The following RALB variants were observed in gnomAD, a reference collection of about 807,000 sequenced individuals.
RALB encodes the protein ras-related protein Ral-B.
In RALB, 16 loss-of-function variants were observed where a neutral mutation model predicts 21.3. The ratio of observed to expected loss-of-function variants is 0.75; its 90% CI spans 0.51 to 1.14. The LOEUF (loss-of-function observed/expected upper bound fraction) is 1.14, where lower values mean the gene tolerates loss of function less well. RALB is among the 50% of genes most tolerant of loss of function. The probability of loss-of-function intolerance (pLI) is 0.00; values close to 1 mark genes in which losing one functional copy is unlikely to be tolerated. For synonymous variants in RALB, 93 were observed against 96.1 expected, an observed-to-expected ratio of 0.97 and a Z score of 0.19; for missense variants, 161 against 256.2, an observed-to-expected ratio of 0.63 and a Z score of 2.54.
chr2:120,254,790 A>C (rs909841164), intron 1 of RALB, among the ~76,000 whole-genome samples: 2 of 152,010 alleles, frequency 1.3e-5, no homozygotes, highest in African/African-American at 4.8e-5. Flanking sequence ...TGAGTCTCCC[A>C]CCTCAGCCTC....
intron 1 of RALB, among the ~76,000 whole-genome samples, chr2:120,264,762 C>T (rs1689459560): frequency 6.6e-6 from 1 of 152,194 alleles, no homozygotes; most frequent in African/African-American, 2.4e-5. Context: ...TCCCCACTCC[C>T]CTCTTCCCCC....
At chr2:120,256,865 CT>C (rs1689212340) in intron 1 of RALB, among the ~76,000 whole-genome samples, 1 of 152,124 alleles carries the variant, frequency 6.6e-6, no homozygotes, top group African/African-American at 2.4e-5. Flanking sequence ...GCCACCACAA[CT>C]TTTTTAAGGT....
intron 1 of RALB, among the ~76,000 whole-genome samples, chr2:120,245,629 A>G (rs1464580170): frequency 6.6e-6 from 1 of 152,102 alleles, no homozygotes; most frequent in Admixed American, 6.5e-5. Context: ...CGGGGTGTGT[A>G]CAGCTGCCTG....
intron 1 of RALB, among the ~76,000 whole-genome samples, chr2:120,274,058 C>G (rs1326537318): frequency 1.3e-5 from 2 of 152,080 alleles, no homozygotes; most frequent in African/African-American, 4.8e-5. Flanking sequence ...TTGCAAGGAT[C>G]CCCCCCAACC....
At chr2:120,288,876 A>T (rs1377528259) in intron 3 of RALB, among the ~76,000 whole-genome samples, 2 of 152,302 alleles carry the variant, frequency 1.3e-5, no homozygotes, top group African/African-American at 4.8e-5. Flanking sequence ...GGCCTATAAC[A>T]TTACTGTGTC....
intron 2 of RALB, chr2:120,280,783 T>C: frequency 2.8e-6 from 1 of 362,302 alleles, no homozygotes; most frequent in East Asian, 8.9e-5. Flanking sequence ...ACAAAAGACA[T>C]TTTCATTAAC....
chr2:120,278,687 G>A lies in RALB; in HGVS notation c.23G>A (p.Gly8Asp). Residue 8 changes from glycine to aspartate, a missense_variant, in exon 2 of 5, where the codon GGC (glycine) becomes GAC (aspartate). Gly to Asp is a moderately conservative substitution (Grantham distance 94). Coordinates refer to ENST00000272519, the MANE Select transcript of RALB (RefSeq NM_002881.3). ...GAGATGGCTGCCAACAAGAGTAAGG[G>A]CCAGAGCTCCTTGGCCCTCCACAAG... is the stretch of plus-strand genomic sequence containing the variant. MAANKSK[G>D]QSSLALHKVI... The A allele has an allele frequency of 6.3e-7, 1 of 1,599,128 alleles. No homozygotes were observed. The highest frequency in any genetic ancestry group is 1.1e-5 in the South Asian group (1 of 88,796).
chr2:120,288,342 G>GTTTTTTTTTTTTTTTTTTTTTT (rs547733377), intron 3 of RALB, among the ~76,000 whole-genome samples: 2 of 117,092 alleles, frequency 1.7e-5, no homozygotes, highest in Non-Finnish European at 1.7e-5. Flanking sequence ...GAAAATTTTA[G>GTTTTTTTTTTTTTTTTTTTTTT]TTTTTTTTTT....
rs547733377 is a variant in RALB, at chr2:120,288,342, G to GTTTTTTTTTTTTTTTTTTTTT, written c.324-1227_324-1226insTTTTTTTTTTTTTTTTTTTTT. On this transcript the variant is annotated intron_variant, in intron 3 of 4. Transcript: ENST00000272519. The stretch of plus-strand genomic sequence containing the variant: ...TTAAATTGACTACATGAAAATTTTA[G>GTTTTTTTTTTTTTTTTTTTTT]TTTTTTTTTTTGTTTTTTTTTTTGT... 2.6e-5 allele frequency among the ~76,000 whole-genome samples: 3 copies of GTTTTTTTTTTTTTTTTTTTTT among 117,092 alleles called. 1 individual carries two copies. Among genetic ancestry groups the GTTTTTTTTTTTTTTTTTTTTT allele is most frequent in the Non-Finnish European group, 3.3e-5 (2 of 60,192 alleles). The allele number at this position is 117,092 out of a possible 152,430, so 76.8% of individuals were successfully genotyped here. A position where few individuals can be genotyped will look rare whatever the true frequency, so the allele number is the denominator to read the frequency against.
chr2:120,282,627 C>T (rs190341193), intron 2 of RALB, among the ~76,000 whole-genome samples: 218 of 152,152 alleles, frequency 1.4e-3, no homozygotes, highest in African/African-American at 5.1e-3. Context: ...AGTTTTTTCT[C>T]TTCTTTCTGT....
intron 1 of RALB, among the ~76,000 whole-genome samples, chr2:120,256,290 A>G (rs1689197127): frequency 6.6e-6 from 1 of 152,216 alleles, no homozygotes; most frequent in Non-Finnish European, 1.5e-5. Flanking sequence ...TTTTCTCCCC[A>G]GAGCAAGTGA....
At chr2:120,279,529 CATTGT>C (rs1185888973) in intron 2 of RALB, among the ~76,000 whole-genome samples, 1 of 152,186 alleles carries the variant, frequency 6.6e-6, no homozygotes, top group Non-Finnish European at 1.5e-5. Flanking sequence ...GTAGCCTTTA[CATTGT>C]ATTATGTATT....
chr2:120,271,412 A>G (rs1689662890), intron 1 of RALB, among the ~76,000 whole-genome samples: 2 of 152,216 alleles, frequency 1.3e-5, no homozygotes, highest in Admixed American at 6.5e-5. Flanking sequence ...ATCTAAGTGG[A>G]CATCCTTAGT....
chr2:120,285,843 T>C lies in RALB; in HGVS notation c.115-31T>C, dbSNP rs369767311. On this transcript the variant is annotated intron_variant, in intron 2 of 4. Transcript: ENST00000272519. ...GCAGATTTTGTTCCCCTTAAGACTT[T>C]GTTAATTACCGATAATGTTTATTTC... The C allele has an allele frequency of 5.0e-5, 80 of 1,589,794 alleles. No homozygotes were observed. The African/African-American group carries it at 9.4e-4, about 19-fold the overall frequency.
intron 1 of RALB, among the ~76,000 whole-genome samples, chr2:120,246,356 C>T (rs1166705828): frequency 6.6e-6 from 1 of 152,188 alleles, no homozygotes; most frequent in Non-Finnish European, 1.5e-5. Flanking sequence ...TCCCTGCCCC[C>T]ATCCTAGAAT....
chr2:120,251,600 C>T (rs1322661272), upstream of RALB, among the ~76,000 whole-genome samples: 3 of 152,172 alleles, frequency 2.0e-5, no homozygotes, highest in Non-Finnish European at 4.4e-5. Flanking sequence ...ACTGTTACTC[C>T]GTAAGAAAAG....
At chr2:120,262,341 A>G (rs926911361) in intron 1 of RALB, among the ~76,000 whole-genome samples, 8 of 152,186 alleles carry the variant, frequency 5.3e-5, no homozygotes, top group Admixed American at 4.6e-4. Context: ...CATCTGCTTG[A>G]TGTGGTGTCC....
At chr2:120,270,460 G>A (rs1689634983) in intron 1 of RALB, among the ~76,000 whole-genome samples, 1 of 152,234 alleles carries the variant, frequency 6.6e-6, no homozygotes, top group African/African-American at 2.4e-5. Flanking sequence ...CCATAAGATT[G>A]TGTTCGAGTG....
At chr2:120,279,677 A>G (rs1251538085) in intron 2 of RALB, among the ~76,000 whole-genome samples, 1 of 149,344 alleles carries the variant, frequency 6.7e-6, no homozygotes, top group Non-Finnish European at 1.5e-5. Context: ...TTCTCTAGGG[A>G]TACCGAGGGA....
Sources: gnomAD v4.1 joint callset for allele counts (sites outside exome capture counted in the v4.1 genomes callset) on GRCh38, gnomAD v4.1.1 for gene constraint, MANE v1.5 for transcripts, NCBI Gene and HGNC (gene_info 2026-07-23, HGNC 2026-07-21) for gene names.